The following NALCN variants were observed in gnomAD, a reference collection of about 807,000 sequenced individuals.
NALCN encodes sodium leak channel, non-selective.
Under a neutral mutation model 225.3 loss-of-function variants are expected in NALCN, and 111 were observed. That is an observed-to-expected ratio of 0.49 (90% CI 0.42 to 0.58). The LOEUF (loss-of-function observed/expected upper bound fraction) is 0.58. NALCN is among the 20% of genes least tolerant of loss of function. The probability of loss-of-function intolerance (pLI) is 0.00; values close to 1 mark genes in which losing one functional copy is unlikely to be tolerated. For missense variants in NALCN, 1,378 were observed against 2,202.4 expected (o/e 0.63, Z 7.49); for synonymous variants, 764 against 769.0 (o/e 0.99, Z 0.11).
chr13:101,314,774 C>T (rs143267814), intron 7 of NALCN, among the ~76,000 whole-genome samples: 363 of 152,274 alleles, frequency 2.4e-3, no homozygotes, highest in Admixed American at 6.3e-3. Context: ...CTTTAAGTTT[C>T]ATTAAAACCC....
At chr13:101,368,075 C>G (rs1337298550) in intron 6 of NALCN, among the ~76,000 whole-genome samples, 1 of 151,232 alleles carries the variant, frequency 6.6e-6, no homozygotes, top group African/African-American at 2.4e-5. Flanking sequence ...CATATGTATA[C>G]ATGTGCCATG....
At chr13:101,135,270 T>C (rs1566320837) in intron 17 of NALCN, among the ~76,000 whole-genome samples, 1 of 152,258 alleles carries the variant, frequency 6.6e-6, no homozygotes, top group Non-Finnish European at 1.5e-5. Context: ...AAAATGACTT[T>C]ATGATTATAT....
At chr13:101,155,912 T>C (rs868722188) in intron 15 of NALCN, among the ~76,000 whole-genome samples, 35 of 152,334 alleles carry the variant, frequency 2.3e-4, no homozygotes, top group African/African-American at 7.2e-4. Context: ...ATTTTCTGTT[T>C]ACTTCATTTA....
intron 17 of NALCN, among the ~76,000 whole-genome samples, chr13:101,125,116 T>C (rs1327971401): frequency 1.3e-5 from 2 of 152,232 alleles, no homozygotes; most frequent in African/African-American, 2.4e-5. Flanking sequence ...GGGGAATGAA[T>C]GAAATGGGCA....
chr13:101,175,386 AC>A (rs2038919482), intron 15 of NALCN, among the ~76,000 whole-genome samples: 1 of 152,154 alleles, frequency 6.6e-6, no homozygotes. Flanking sequence ...AATAGGTTAT[AC>A]TTTTTGCTTT....
At chr13:101,171,524 G>T (rs2038720200) in intron 15 of NALCN, among the ~76,000 whole-genome samples, 1 of 151,966 alleles carries the variant, frequency 6.6e-6, no homozygotes, top group Non-Finnish European at 1.5e-5. Flanking sequence ...CAATATGGGG[G>T]TCATGTAAAT....
chr13:101,355,388 G>A (rs1428417374), intron 6 of NALCN, among the ~76,000 whole-genome samples: 1 of 151,772 alleles, frequency 6.6e-6, no homozygotes, highest in African/African-American at 2.4e-5. Flanking sequence ...AAAAAATCAG[G>A]GGTTGCAATC....
intron 3 of NALCN, 23 bp from the exon 4 acceptor site, chr13:101,378,676 A>G: frequency 1.9e-6 from 3 of 1,572,634 alleles, no homozygotes; most frequent in East Asian, 4.5e-5. Context: ...TTTACATGGC[A>G]TTATTAGGCA....
intron 14 of NALCN, among the ~76,000 whole-genome samples, chr13:101,187,219 ATTG>A (rs1355276257): frequency 7.9e-5 from 12 of 152,246 alleles, no homozygotes; most frequent in African/African-American, 2.6e-4. Flanking sequence ...TTTTGTTATT[ATTG>A]TTGTTGATTT....
intron 7 of NALCN, among the ~76,000 whole-genome samples, chr13:101,306,219 C>T (rs1304922239): frequency 1.3e-5 from 2 of 152,096 alleles, no homozygotes; most frequent in Non-Finnish European, 2.9e-5. Flanking sequence ...TGCCCCAGGC[C>T]CTCATTGCCA....
chr13:101,065,093 G>T (rs778273332), intron 40 of NALCN, among the ~76,000 whole-genome samples: 42 of 152,174 alleles, frequency 2.8e-4, no homozygotes, highest in Non-Finnish European at 5.6e-4. Context: ...CACAGGGAAG[G>T]GGTGGGACTG....
At chr13:101,194,166 T>C (rs1247014966) in intron 13 of NALCN, among the ~76,000 whole-genome samples, 2 of 152,160 alleles carry the variant, frequency 1.3e-5, no homozygotes, top group East Asian at 1.9e-4. Flanking sequence ...CGTGGAGTTA[T>C]GGGATTGTAA....
chr13:101,185,750 A>G (rs1217746083), intron 14 of NALCN, among the ~76,000 whole-genome samples: 2 of 152,234 alleles, frequency 1.3e-5, no homozygotes, highest in Non-Finnish European at 2.9e-5. Context: ...TTCCAGAACA[A>G]GCTGCAACCA....
chr13:101,077,812 C>T (rs945576707), intron 34 of NALCN, among the ~76,000 whole-genome samples: 3 of 152,246 alleles, frequency 2.0e-5, no homozygotes, highest in East Asian at 3.9e-4. Flanking sequence ...GGAAAATGTC[C>T]CCAAGGGCAT....
At chr13:101,387,695 A>G (rs1468683364) in intron 3 of NALCN, among the ~76,000 whole-genome samples, 1 of 152,200 alleles carries the variant, frequency 6.6e-6, no homozygotes, top group Admixed American at 6.5e-5. Context: ...CAAAAGTTTT[A>G]AAAATTATGG....
rs113843912 is a variant in NALCN, at chr13:101,258,590, A to G, written c.1135-16T>C. On this transcript the variant is annotated splice_polypyrimidine_tract_variant and intron_variant, in intron 10 of 43. Transcript: ENST00000251127. ...GCATCATTTTCTGAGGGGGCGAAACAGACAGACTCTTAACAAAGAAATAAA... is the reference window on the plus strand; with the variant it reads ...GCATCATTTTCTGAGGGGGCGAAACGGACAGACTCTTAACAAAGAAATAAA... The G allele has an allele frequency of 8.9e-5, 143 of 1,614,066 alleles. 2 individuals are homozygous for G. In the African/African-American group the frequency reaches 1.5e-3, roughly 17 times the overall value.
At chr13:101,067,315 AG>A (rs1191226372) in intron 39 of NALCN, among the ~76,000 whole-genome samples, 2 of 48,092 alleles carry the variant, frequency 4.2e-5, no homozygotes, top group Non-Finnish European at 7.1e-5. Context: ...GGGGAAGAGG[AG>A]GGGGAAGAGG....
chr13:101,340,164 A>T lies in NALCN; in HGVS notation c.799+5102T>A, dbSNP rs568123462. 2.0e-5 allele frequency among the ~76,000 whole-genome samples: 3 copies of T among 152,192 alleles called. No individual in the cohort carries two copies. The South Asian group carries it at 6.2e-4, about 32-fold the overall frequency. ...GCGCCTGTAGTCCCAGCTAACTGGG[A>T]GGCAGAGGCAGGAGAATTGCTTGAA... On this transcript the variant is annotated intron_variant, in intron 7 of 43. Transcript: ENST00000251127.
intron 15 of NALCN, among the ~76,000 whole-genome samples, chr13:101,149,739 G>T (rs984287844): frequency 6.6e-6 from 1 of 152,196 alleles, no homozygotes; most frequent in Non-Finnish European, 1.5e-5. Flanking sequence ...TGCTTGAAGG[G>T]TGAGTATTTT....
Sources: gnomAD v4.1 joint callset for allele counts (sites outside exome capture counted in the v4.1 genomes callset) on GRCh38, gnomAD v4.1.1 for gene constraint, MANE v1.5 for transcripts, NCBI Gene and HGNC (gene_info 2026-07-23, HGNC 2026-07-21) for gene names.